The following DYNC1I1 variants were observed in gnomAD, a reference collection of about 807,000 sequenced individuals.
DYNC1I1 encodes dynein cytoplasmic 1 intermediate chain 1.
Under a neutral mutation model 86.6 loss-of-function variants are expected in DYNC1I1, and 43 were observed. That is an observed-to-expected ratio of 0.50 (90% CI 0.39 to 0.64). DYNC1I1 has a LOEUF of 0.64. DYNC1I1 is among the 30% of genes least tolerant of loss of function. The pLI is 0.00. For synonymous variants in DYNC1I1, 262 were observed against 283.7 expected (o/e 0.92, Z 0.77); for missense variants, 604 against 788.8 (o/e 0.77, Z 2.81).
intron 6 of DYNC1I1, among the ~76,000 whole-genome samples, chr7:95,895,904 C>G (rs1790871127): frequency 6.6e-6 from 1 of 152,306 alleles, no homozygotes; most frequent in South Asian, 2.1e-4. Flanking sequence ...GAAAGCGGGG[C>G]CTGCTAGCCC....
chr7:95,953,423 A>C (rs1792615024), intron 6 of DYNC1I1, among the ~76,000 whole-genome samples: 1 of 152,126 alleles, frequency 6.6e-6, no homozygotes. Context: ...AGAAAGAGAG[A>C]GAGAGAGAAA....
rs184584296 is a variant in DYNC1I1 at position 95,884,162 on chromosome 7, C to A, written c.490+14164C>A. Among the ~76,000 whole-genome samples the A allele has an allele frequency of 1.1e-4, 17 of 152,318 alleles. No homozygotes were observed. The East Asian group carries it at 2.7e-3, about 24-fold the overall frequency. On this transcript the variant is annotated intron_variant, in intron 6 of 16. Coordinates refer to ENST00000447467, the MANE Select transcript of DYNC1I1 (RefSeq NM_001135556.2). The stretch of plus-strand genomic sequence containing the variant: ...CTACTGAGAAATGCAGTCTTTACAT[C>A]ATCTTCATTAAGTACACAACAAAAT...
At chr7:95,972,733 A>G (rs1421839527) in intron 6 of DYNC1I1, among the ~76,000 whole-genome samples, 1 of 152,158 alleles carries the variant, frequency 6.6e-6, no homozygotes, top group Non-Finnish European at 1.5e-5. Context: ...AGAGCCATGG[A>G]CTAGTGGAGG....
intron 4 of DYNC1I1, among the ~76,000 whole-genome samples, chr7:95,814,803 G>A (rs1794911425): frequency 1.3e-5 from 2 of 152,038 alleles, no homozygotes; most frequent in Admixed American, 6.6e-5. Flanking sequence ...AAAAGTAGAG[G>A]TTTTTGAGGG....
intron 5 of DYNC1I1, among the ~76,000 whole-genome samples, chr7:95,861,455 A>G (rs543512378): frequency 6.6e-6 from 1 of 152,320 alleles, no homozygotes. Flanking sequence ...CACAAAAGGT[A>G]TAATATTCTC....
intron 6 of DYNC1I1, among the ~76,000 whole-genome samples, chr7:95,974,386 G>A (rs1793250597): frequency 6.6e-6 from 1 of 152,156 alleles, no homozygotes; most frequent in Admixed American, 6.6e-5. Flanking sequence ...TTATGCTTAA[G>A]TATGTTCCCA....
intron 9 of DYNC1I1, among the ~76,000 whole-genome samples, chr7:95,992,897 C>T (rs1031629107): frequency 3.3e-5 from 5 of 152,092 alleles, no homozygotes; most frequent in Non-Finnish European, 5.9e-5. Flanking sequence ...CAACCTCTGC[C>T]GGCCTCAGCC....
rs1430860976 is a variant in DYNC1I1, at chr7:96,039,428, A to C, written c.1509+7A>C. 9.9e-6 allele frequency: 16 copies of C among 1,613,778 alleles called. No homozygotes were observed. The highest frequency in any genetic ancestry group is 1.3e-5 in the African/African-American group (1 of 74,942). On this transcript the variant is annotated splice_region_variant and intron_variant, in intron 14 of 16. Coordinates refer to ENST00000447467, the MANE Select transcript of DYNC1I1 (RefSeq NM_001135556.2). ...CAAACTGTGGACCACCAAGGTAAGA[A>C]TATCTTGACTGAAATTCTCAGATAA...
At chr7:95,797,764 A>C (rs1794477231) in intron 1 of DYNC1I1, among the ~76,000 whole-genome samples, 1 of 152,204 alleles carries the variant, frequency 6.6e-6, no homozygotes, top group African/African-American at 2.4e-5. Flanking sequence ...GAGGCTGTTA[A>C]AATATTCCTC....
chr7:95,790,851 G>A (rs1794282790), intron 1 of DYNC1I1, among the ~76,000 whole-genome samples: 1 of 152,168 alleles, frequency 6.6e-6, no homozygotes, highest in South Asian at 2.1e-4. Flanking sequence ...GTTTGCTTTG[G>A]TTGTGAGGAT....
intron 6 of DYNC1I1, among the ~76,000 whole-genome samples, chr7:95,889,255 CA>C (rs1475744360): frequency 6.6e-6 from 1 of 152,098 alleles, no homozygotes; most frequent in East Asian, 1.9e-4. Flanking sequence ...TTTCAAAATA[CA>C]AAAATTAGAA....
chr7:95,972,714 G>A (rs751877740), intron 6 of DYNC1I1, among the ~76,000 whole-genome samples: 3 of 152,180 alleles, frequency 2.0e-5, no homozygotes, highest in African/African-American at 2.4e-5. Flanking sequence ...GTCTACGTCG[G>A]CTTCATTCAG....
At chr7:96,057,531 C>T (rs953607958) in intron 14 of DYNC1I1, among the ~76,000 whole-genome samples, 1 of 152,192 alleles carries the variant, frequency 6.6e-6, no homozygotes, top group Non-Finnish European at 1.5e-5. Context: ...CCTAAATTAT[C>T]TACCAGGTTT....
chr7:96,093,433 A>C (rs1001847618), intron 16 of DYNC1I1, among the ~76,000 whole-genome samples: 1 of 152,222 alleles, frequency 6.6e-6, no homozygotes, highest in Non-Finnish European at 1.5e-5. Flanking sequence ...TACCTCAGTA[A>C]CTACCTTTGC....
intron 6 of DYNC1I1, among the ~76,000 whole-genome samples, chr7:95,895,546 C>G (rs1790860040): frequency 1.3e-5 from 2 of 152,358 alleles, no homozygotes; most frequent in African/African-American, 4.8e-5. Context: ...CACCACTGCA[C>G]TGTACATTCA....
At chr7:96,057,732 A>G (rs939248590) in intron 14 of DYNC1I1, among the ~76,000 whole-genome samples, 1 of 152,164 alleles carries the variant, frequency 6.6e-6, no homozygotes, top group African/African-American at 2.4e-5. Context: ...CATCTATTCT[A>G]TACTCTCCAT....
At chr7:95,906,794 G>T (rs1029248866) in intron 6 of DYNC1I1, among the ~76,000 whole-genome samples, 3 of 151,988 alleles carry the variant, frequency 2.0e-5, no homozygotes, top group Non-Finnish European at 4.4e-5. Flanking sequence ...GTCTACTATA[G>T]CTCCAAGAAA....
intron 16 of DYNC1I1, among the ~76,000 whole-genome samples, chr7:96,095,892 G>A (rs1007694404): frequency 8.5e-5 from 13 of 152,116 alleles, no homozygotes; most frequent in African/African-American, 3.1e-4. Flanking sequence ...AACAGACTGA[G>A]CAAAAGGGTA....
At chr7:95,894,577 G>A (rs1790828709) in intron 6 of DYNC1I1, among the ~76,000 whole-genome samples, 1 of 152,272 alleles carries the variant, frequency 6.6e-6, no homozygotes, top group South Asian at 2.1e-4. Context: ...CTTCTAGTTA[G>A]TAATAGGTTG....
Sources: allele counts gnomAD v4.1 joint callset (sites outside exome capture counted in the v4.1 genomes callset), GRCh38; gene constraint gnomAD v4.1.1; transcripts MANE v1.5; gene names NCBI Gene and HGNC (gene_info 2026-07-23, HGNC 2026-07-21).